The following DYNC1H1 variants were observed in gnomAD, a reference collection of about 807,000 sequenced individuals.
DYNC1H1 encodes cytoplasmic dynein 1 heavy chain 1.
In DYNC1H1, 51 loss-of-function variants were observed where a neutral mutation model predicts 527.1. That is an observed-to-expected ratio of 0.10 (90% CI 0.08 to 0.12). The LOEUF is 0.12. DYNC1H1 is among the 10% of genes least tolerant of loss of function. The probability of loss-of-function intolerance (pLI) is 1.00; values close to 1 mark genes in which losing one functional copy is unlikely to be tolerated. For synonymous variants in DYNC1H1, 2,189 were observed against 2,278.8 expected, an observed-to-expected ratio of 0.96 and a Z score of 1.12; for missense variants, 2,771 against 5,971.8, an observed-to-expected ratio of 0.46 and a Z score of 17.66.
rs1299430680 is a variant in DYNC1H1, at chr14:101,987,686, A to G, written c.2718+54A>G. 2.1e-5 allele frequency: 34 copies of G among 1,595,662 alleles called. No homozygotes were observed. In the Middle Eastern group the frequency reaches 6.6e-4, roughly 31 times the overall value. On this transcript the variant is annotated intron_variant, in intron 9 of 77. Transcript: ENST00000360184. Reference sequence around the variant, plus strand: ...CTCCTTTTTCTTCTGCTGACCCTCCAGTAAGCTTATTAGTTTGTCACTAAA... The same window carrying G: ...CTCCTTTTTCTTCTGCTGACCCTCCGGTAAGCTTATTAGTTTGTCACTAAA...
chr14:101,998,873 CTTTTTCTTT>C (rs1334683830), intron 16 of DYNC1H1, among the ~76,000 whole-genome samples: 5 of 129,576 alleles, frequency 3.9e-5, no homozygotes, highest in African/African-American at 1.8e-4. Context: ...AGAGTTAAAA[CTTTTTCTTT>C]TTTTTTTTTT....
At position 102,012,359 on chromosome 14, in the gene DYNC1H1, C is replaced by T. The variant is rs770388642; in HGVS notation, c.6903C>T (p.Ile2301=). 1.9e-6 allele frequency: 3 copies of T among 1,614,208 alleles called. No individual in the cohort carries two copies. The highest frequency in any genetic ancestry group is 2.2e-5 in the South Asian group (2 of 91,084). Residue 2301 remains isoleucine (I), a synonymous_variant, in exon 34 of 78, where the codon ATC becomes ATT. Coordinates refer to ENST00000360184, the MANE Select transcript of DYNC1H1 (RefSeq NM_001376.5). The surrounding 1 kb of genome is among the most constrained non-coding windows in gnomAD (Gnocchi z 4.9). Reference sequence around the variant, plus strand: ...GCGAGCTGCAGAAGCGCCAGTGGATCGTCTTCGATGGCGATGTGGATCCAG... The same window carrying T: ...GCGAGCTGCAGAAGCGCCAGTGGATTGTCTTCGATGGCGATGTGGATCCAG... The part of the protein sequence containing the change: ...VRGELQKRQW[I]VFDGDVDPEW...
intron 7 of DYNC1H1, among the ~76,000 whole-genome samples, chr14:101,984,401 ATG>A (rs34162363): frequency 0.064 from 6,517 of 102,310 alleles, 271 homozygotes; most frequent in Non-Finnish European, 0.085. Context: ...ATGCGTATAT[ATG>A]TGTGTGTGTG....
Position 102,039,027 on chromosome 14 carries a change from C to T in DYNC1H1, c.11233C>T (p.Leu3745=). 2 of 1,614,136 alleles carry T rather than the reference C, an allele frequency of 1.2e-6. No individual in the cohort carries two copies. The highest frequency in any genetic ancestry group is 1.7e-6 in the Non-Finnish European group (2 of 1,180,036). ...GGAATTTCAGCTCCGTTTGCGTCAG[C>T]TGGAAAAATCTCTACTACAAGCTCT... The part of the protein sequence containing the change: ...QGEFQLRLRQ[L]EKSLLQALNE... Residue 3745 remains leucine (L), a synonymous_variant, in exon 60 of 78, where the codon CTG becomes TTG. Coordinates refer to ENST00000360184, the MANE Select transcript of DYNC1H1 (RefSeq NM_001376.5). This position sits in a 1 kb window ranked among gnomAD's most constrained non-coding sequence, Gnocchi z 7.0.
intron 1 of DYNC1H1, among the ~76,000 whole-genome samples, chr14:101,967,580 C>T (rs1363741214): frequency 6.6e-6 from 1 of 152,200 alleles, no homozygotes; most frequent in Non-Finnish European, 1.5e-5. Context: ...TGGCTCACAC[C>T]TGTAATCCCA....
intron 52 of DYNC1H1, 127 bp from the exon 53 acceptor site, chr14:102,032,938 T>C: frequency 4.3e-6 from 4 of 932,578 alleles, no homozygotes; most frequent in Non-Finnish European, 7.0e-6. Context: ...GTCTAGCTCA[T>C]CCCCAGTGGT....
Position 102,050,637 on chromosome 14 carries a change from A to G in DYNC1H1, c.*74A>G, listed in dbSNP as rs2048797076. 2 of 1,610,644 alleles carry G rather than the reference A, an allele frequency of 1.2e-6. No homozygotes were observed. Among genetic ancestry groups the G allele is most frequent in the Non-Finnish European group, 1.7e-6 (2 of 1,177,658 alleles). On this transcript the variant is annotated 3_prime_UTR_variant, in exon 78 of 78. Coordinates refer to ENST00000360184, the MANE Select transcript of DYNC1H1 (RefSeq NM_001376.5). ...TTTATTCATTTTTAAAATATTTGGA[A>G]GGTCTGAGCTTGTGAAAAGAAAGTG...
chr14:102,019,687 C>T (rs1431890359), intron 41 of DYNC1H1, among the ~76,000 whole-genome samples: 2 of 152,150 alleles, frequency 1.3e-5, no homozygotes, highest in Admixed American at 6.5e-5. Flanking sequence ...CTGCAACCTC[C>T]GCCTCCTGGG....
At chr14:102,031,784 G>A (rs551459356) in intron 51 of DYNC1H1, among the ~76,000 whole-genome samples, 72 of 152,128 alleles carry the variant, frequency 4.7e-4, no homozygotes, top group African/African-American at 1.6e-3. Flanking sequence ...GAGAAACCCC[G>A]TCTCTACTAA....
rs749155547 is a variant in DYNC1H1 at position 102,039,281 on chromosome 14, G to T, written c.11460+27G>T. 1.9e-6 allele frequency: 3 copies of T among 1,611,850 alleles called. No homozygotes were observed. The highest frequency in any genetic ancestry group is 1.9e-4 in the Middle Eastern group (1 of 5,174). Reference sequence around the variant, plus strand: ...TGGGTGCCTTGGCCATGCAGAGACTGGCGGGCCCCGCACAGTAGCTCCTTG... The same window carrying T: ...TGGGTGCCTTGGCCATGCAGAGACTTGCGGGCCCCGCACAGTAGCTCCTTG... On this transcript the variant is annotated intron_variant, in intron 60 of 77. Transcript: ENST00000360184. This position sits in a 1 kb window ranked among gnomAD's most constrained non-coding sequence, Gnocchi z 7.0.
intron 11 of DYNC1H1, 149 bp from the exon 12 acceptor site, chr14:101,994,035 C>A: frequency 9.3e-7 from 1 of 1,071,298 alleles, no homozygotes. Context: ...TTTCTGGTTA[C>A]TTGTGGCCAG....
At position 102,015,885 on chromosome 14, in the gene DYNC1H1, A is replaced by T; in HGVS notation, c.7272A>T (p.Gln2424His). The T allele has an allele frequency of 6.2e-7, 1 of 1,614,218 alleles. No homozygotes were observed. The highest frequency in any genetic ancestry group is 8.5e-7 in the Non-Finnish European group (1 of 1,180,032). ...AAAGAGATGCAGCTACGATCATGCAACCGTACTTCACGTCCAACGGCCTGG... is the reference window on the plus strand; with the variant it reads ...AAAGAGATGCAGCTACGATCATGCATCCGTACTTCACGTCCAACGGCCTGG... ...QIQRDAATIM[Q>H]PYFTSNGLVT... Residue 2424 changes from glutamine to histidine, a missense_variant, in exon 36 of 78, where the codon CAA becomes CAT. By Grantham distance (24) the Gln-to-His change is conservative (BLOSUM62 0). Coordinates refer to ENST00000360184, the MANE Select transcript of DYNC1H1 (RefSeq NM_001376.5). The surrounding 1 kb of genome is among the most constrained non-coding windows in gnomAD (Gnocchi z 6.9).
Position 101,985,848 on chromosome 14 carries a change from G to C in DYNC1H1, c.1623G>C (p.Glu541Asp). 2 of 1,614,202 alleles carry C rather than the reference G, an allele frequency of 1.2e-6. No homozygotes were observed. Among genetic ancestry groups the C allele is most frequent in the Non-Finnish European group, 1.7e-6 (2 of 1,180,038 alleles). Residue 541 changes from glutamate (E) to aspartate (D), a missense_variant, in exon 8 of 78, where the codon GAG (glutamate) becomes GAC (aspartate). By Grantham distance (45) the Glu-to-Asp change is conservative (BLOSUM62 2). This residue lies in a region of DYNC1H1 where 264 missense variants were observed against 619.4 expected (regional missense o/e 0.43). Transcript: ENST00000360184. This position sits in a 1 kb window ranked among gnomAD's most constrained non-coding sequence, Gnocchi z 5.9. ...KEVDGLDVSK[E>D]GTEAWEAAMK... ...TGGATGGACTGGATGTTTCCAAAGA[G>C]GGCACGGAAGCCTGGGAGGCTGCTA...
chr14:102,005,331 T>C lies in DYNC1H1; in HGVS notation c.5433+95T>C. On this transcript the variant is annotated intron_variant, in intron 26 of 77. Coordinates refer to ENST00000360184, the MANE Select transcript of DYNC1H1 (RefSeq NM_001376.5). The surrounding 1 kb of genome is among the most constrained non-coding windows in gnomAD (Gnocchi z 4.0). The stretch of plus-strand genomic sequence containing the variant: ...AATCATGCTTGAAAAAGGTTTCAGG[T>C]AGTATCAAGGAGAACAGTGGATGGT... 1 of 1,527,588 alleles carries C rather than the reference T, an allele frequency of 6.5e-7. No homozygotes were observed. The highest frequency in any genetic ancestry group is 2.2e-5 in the East Asian group (1 of 44,480). 94.6% of individuals were successfully genotyped at this position (1,527,588 alleles called of 1,614,324 possible).
intron 41 of DYNC1H1, 104 bp from the exon 42 acceptor site, chr14:102,019,789 C>G: frequency 7.0e-7 from 1 of 1,430,366 alleles, no homozygotes; most frequent in Non-Finnish European, 9.8e-7. Context: ...ATTTCAGGGT[C>G]TAGGTTCTTT....
intron 72 of DYNC1H1, among the ~76,000 whole-genome samples, chr14:102,045,851 G>C (rs1286438153): frequency 6.6e-6 from 1 of 151,992 alleles, no homozygotes; most frequent in African/African-American, 2.4e-5. Flanking sequence ...AGCAGCAGCA[G>C]CCTCCCCAGA....
At chr14:102,004,035 A>G (rs918801984) in intron 23 of DYNC1H1, among the ~76,000 whole-genome samples, 1 of 151,710 alleles carries the variant, frequency 6.6e-6, no homozygotes, top group African/African-American at 2.4e-5. Context: ...AGGTCAGGAG[A>G]TCGAGACCAT....
chr14:102,009,505 C>CTTTT, intron 29 of DYNC1H1: 3 of 257,666 alleles, frequency 1.2e-5, no homozygotes, highest in South Asian at 4.4e-5. Context: ...GCATTTATTC[C>CTTTT]TTTTTTTTTT....
At chr14:101,972,579 T>G (rs2047751668) in intron 1 of DYNC1H1, among the ~76,000 whole-genome samples, 1 of 152,224 alleles carries the variant, frequency 6.6e-6, no homozygotes, top group Non-Finnish European at 1.5e-5. Context: ...CACACAGCGG[T>G]GACTCATCTC....
Sources: allele counts gnomAD v4.1 joint callset (sites outside exome capture counted in the v4.1 genomes callset), GRCh38; gene constraint gnomAD v4.1.1; regional missense constraint gnomAD v4.1.1; non-coding constraint Gnocchi (gnomAD v3.1); transcripts MANE v1.5; gene names NCBI Gene and HGNC (gene_info 2026-07-23, HGNC 2026-07-21).